PRKCZ: variants seen among roughly 807,000 people sequenced by gnomAD.
The protein encoded by PRKCZ is protein kinase C zeta, also known as protein kinase C zeta type.
PRKCZ carries 33 observed loss-of-function variants against 79.5 expected under a neutral mutation model. The ratio of observed to expected loss-of-function variants is 0.41; its 90% CI spans 0.31 to 0.55. PRKCZ has a LOEUF of 0.55. Ranked by LOEUF, PRKCZ falls within the 20% of genes least tolerant of loss-of-function variation. The pLI is 0.19. For missense variants in PRKCZ, 578 were observed against 813.5 expected, an observed-to-expected ratio of 0.71 and a Z score of 3.52; for synonymous variants, 342 against 320.9, an observed-to-expected ratio of 1.07 and a Z score of -0.70.
Position 2,075,256 on chromosome 1 carries a change from C to T in PRKCZ, c.334+15665C>T, listed in dbSNP as rs2102332988. ...GCTTGGCCTCTGCTTTCGTGTGAGC[C>T]CACGCTGGCCATGCACAGCTGGCAC... On this transcript the variant is annotated intron_variant, in intron 4 of 17. Coordinates refer to ENST00000378567, the MANE Select transcript of PRKCZ (RefSeq NM_002744.6). The surrounding 1 kb of genome is among the most constrained non-coding windows in gnomAD (Gnocchi z 4.8). 1 of 152,316 alleles carries T rather than the reference C, an allele frequency of 6.6e-6. No individual in the cohort carries two copies. Among genetic ancestry groups the T allele is most frequent in the South Asian group, 2.1e-4 (1 of 4,824 alleles). The allele number at this position is 152,316 out of a possible 1,614,324, so 9.4% of individuals were successfully genotyped here. A position where few individuals can be genotyped will look rare whatever the true frequency, so the allele number is the denominator to read the frequency against.
intron 4 of PRKCZ, among the ~76,000 whole-genome samples, chr1:2,063,317 A>T (rs1400600182): frequency 6.6e-6 from 1 of 152,016 alleles, no homozygotes; most frequent in African/African-American, 2.4e-5. Flanking sequence ...TTCTATTTTT[A>T]TTCATTTATT....
chr1:2,184,522 A>G, intron 16 of PRKCZ, 61 bp from the exon 17 acceptor site: 2 of 1,281,370 alleles, frequency 1.6e-6, no homozygotes, highest in Non-Finnish European at 2.2e-6. Context: ...CGTGCAAAAC[A>G]CTCAATCTGG....
intron 5 of PRKCZ, 30 bp from the exon 6 acceptor site, chr1:2,144,180 C>T (rs1480277152): frequency 2.6e-6 from 4 of 1,549,208 alleles, no homozygotes; most frequent in East Asian, 4.9e-5. Flanking sequence ...TCAGTGTGGC[C>T]TGGGCCTGAC....
intron 4 of PRKCZ, among the ~76,000 whole-genome samples, chr1:2,107,358 C>G (rs1009713494): frequency 6.6e-6 from 1 of 152,226 alleles, no homozygotes; most frequent in African/African-American, 2.4e-5. Context: ...CCGCACGTCA[C>G]GTGTCCTGAG....
At chr1:2,105,017 C>T (rs540612014) in intron 4 of PRKCZ, 154 of 716,890 alleles carry the variant, frequency 2.1e-4, no homozygotes, top group Non-Finnish European at 2.5e-4. Flanking sequence ...TGACAGCTCC[C>T]CTGTGAGTTC....
intron 16 of PRKCZ, among the ~76,000 whole-genome samples, chr1:2,179,761 C>T (rs538145898): frequency 6.6e-6 from 1 of 152,228 alleles, no homozygotes; most frequent in East Asian, 1.9e-4. Flanking sequence ...GGTGGGAGGC[C>T]CCAGGGAGGA....
chr1:2,091,583 GGTCTA>G (rs1213375157), intron 4 of PRKCZ, among the ~76,000 whole-genome samples: 1 of 152,068 alleles, frequency 6.6e-6, no homozygotes, highest in Non-Finnish European at 1.5e-5. Flanking sequence ...GCCCAGTGTG[GGTCTA>G]GTTTGCCTCT....
intron 10 of PRKCZ, among the ~76,000 whole-genome samples, chr1:2,162,642 C>T (rs1478377440): frequency 6.6e-6 from 1 of 152,048 alleles, no homozygotes; most frequent in Non-Finnish European, 1.5e-5. Flanking sequence ...AGATGGGGGT[C>T]TTGCTATGTT....
chr1:2,052,730 T>TC (rs1378693231), intron 1 of PRKCZ, among the ~76,000 whole-genome samples: 3 of 152,126 alleles, frequency 2.0e-5, no homozygotes, highest in Non-Finnish European at 2.9e-5. Context: ...ATGACACAGT[T>TC]CCAGAAAGCG....
chr1:2,127,156 C>T lies in PRKCZ; in HGVS notation c.335-8106C>T, dbSNP rs1316834123. Among the ~76,000 whole-genome samples the T allele has an allele frequency of 6.6e-6, 1 of 152,216 alleles. No individual in the cohort carries two copies. The highest frequency in any genetic ancestry group is 2.4e-5 in the African/African-American group (1 of 41,458). Reference sequence around the variant, plus strand: ...GGGAGCCTGGGCTGTGGCTGCCAGTCCCCAAAACAGACCCTGCGCCCCGGG... The same window carrying T: ...GGGAGCCTGGGCTGTGGCTGCCAGTTCCCAAAACAGACCCTGCGCCCCGGG... On this transcript the variant is annotated intron_variant, in intron 4 of 17. Coordinates refer to ENST00000378567, the MANE Select transcript of PRKCZ (RefSeq NM_002744.6). This position sits in a 1 kb window ranked among gnomAD's most constrained non-coding sequence, Gnocchi z 5.1.
chr1:2,068,539 A>G (rs1479645349), intron 4 of PRKCZ, among the ~76,000 whole-genome samples: 1 of 152,236 alleles, frequency 6.6e-6, no homozygotes, highest in Non-Finnish European at 1.5e-5. Flanking sequence ...AGTCCAGGAC[A>G]TTCACCTTGA....
At position 2,094,701 on chromosome 1, in the gene PRKCZ, G is replaced by A. The variant is rs1182536725; in HGVS notation, c.334+35110G>A. On this transcript the variant is annotated intron_variant, in intron 4 of 17. Coordinates refer to ENST00000378567, the MANE Select transcript of PRKCZ (RefSeq NM_002744.6). The surrounding 1 kb of genome is among the most constrained non-coding windows in gnomAD (Gnocchi z 7.3). Reference sequence around the variant, plus strand: ...CCGTTCTGAGGCGCCCGCTGTGCCCGGCTCGTTGAACCTTGGGCGCTGCCC... The same window carrying A: ...CCGTTCTGAGGCGCCCGCTGTGCCCAGCTCGTTGAACCTTGGGCGCTGCCC... Among the ~76,000 whole-genome samples, 1 of 148,580 alleles carries A rather than the reference G, an allele frequency of 6.7e-6. No homozygotes were observed. The highest frequency in any genetic ancestry group is 2.5e-5 in the African/African-American group (1 of 40,074).
chr1:2,172,458 G>A lies in PRKCZ; in HGVS notation c.1285+70G>A. 4.0e-6 allele frequency: 6 copies of A among 1,485,676 alleles called. No homozygotes were observed. The highest frequency in any genetic ancestry group is 5.5e-6 in the Non-Finnish European group (6 of 1,099,268). 92.0% of individuals were successfully genotyped at this position (1,485,676 alleles called of 1,614,324 possible). On this transcript the variant is annotated intron_variant, in intron 13 of 17. Transcript: ENST00000378567. This position sits in a 1 kb window ranked among gnomAD's most constrained non-coding sequence, Gnocchi z 7.8. ...AGATGGCTTCGGGCCTGGCCCAGCA[G>A]CCAGGGAGAGGTGTCCTTGACCATC...
intron 4 of PRKCZ, among the ~76,000 whole-genome samples, chr1:2,087,380 GC>G (rs1420337116): frequency 2.0e-5 from 3 of 152,094 alleles, no homozygotes; most frequent in Non-Finnish European, 4.4e-5. Context: ...GTTGCGCCCG[GC>G]CCCCATTCTT....
intron 16 of PRKCZ, 137 bp downstream of exon 16, chr1:2,175,450 CCCAAA>C: frequency 4.5e-6 from 3 of 673,906 alleles, no homozygotes. Context: ...CCATCCCAAC[CCCAAA>C]TTCATCCAAC....
Position 2,112,761 on chromosome 1 carries a change from C to T in PRKCZ, c.335-22501C>T, listed in dbSNP as rs180739422. Among the ~76,000 whole-genome samples, 8 of 151,648 alleles carry T rather than the reference C, an allele frequency of 5.3e-5. 1 individual carries two copies. In the East Asian group the frequency reaches 1.2e-3, roughly 22 times the overall value. On this transcript the variant is annotated intron_variant, in intron 4 of 17. Transcript: ENST00000378567. ...CTGGAGTGCAGTGGCGTGATCTCGG[C>T]TCACTGTAACCTCCACCTCCTGGGT...
chr1:2,081,752 T>C (rs1416279927), intron 4 of PRKCZ, among the ~76,000 whole-genome samples: 1 of 152,100 alleles, frequency 6.6e-6, no homozygotes, highest in Non-Finnish European at 1.5e-5. Flanking sequence ...GGGGCTCGTG[T>C]GGGACTCGGC....
At chr1:2,055,800 G>A (rs1214998281) in intron 2 of PRKCZ, 2 of 506,364 alleles carry the variant, frequency 3.9e-6, no homozygotes, top group African/African-American at 1.9e-5. Context: ...ACTGCCTGCA[G>A]GGGGTCTCCC....
intron 4 of PRKCZ, chr1:2,073,733 G>A: frequency 1.0e-6 from 1 of 999,124 alleles, no homozygotes; most frequent in South Asian, 4.4e-5. Context: ...AGGCAGGGAT[G>A]TGAGGGGCGG....
Sources: allele counts gnomAD v4.1 joint callset (sites outside exome capture counted in the v4.1 genomes callset), GRCh38; gene constraint gnomAD v4.1.1; non-coding constraint Gnocchi (gnomAD v3.1); transcripts MANE v1.5; gene names NCBI Gene and HGNC (gene_info 2026-07-23, HGNC 2026-07-21).